CCDC134: variants seen among roughly 807,000 people sequenced by gnomAD.
The protein encoded by CCDC134 is coiled-coil domain containing 134.
In CCDC134, 27 loss-of-function variants were observed where a neutral mutation model predicts 25.6. The ratio of observed to expected loss-of-function variants is 1.05; its 90% confidence interval spans 0.78 to 1.45. The LOEUF (loss-of-function observed/expected upper bound fraction) is 1.45. CCDC134 is among the 40% of genes most tolerant of loss of function. The probability of loss-of-function intolerance (pLI) is 0.00; values close to 1 mark genes in which losing one functional copy is unlikely to be tolerated. For synonymous variants in CCDC134, 110 were observed against 115.0 expected (o/e 0.96, Z 0.28); for missense variants, 261 against 286.7 (o/e 0.91, Z 0.65).
intron 6 of CCDC134, among the ~76,000 whole-genome samples, chr22:41,817,245 G>A (rs764159103): frequency 1.3e-5 from 2 of 152,150 alleles, no homozygotes; most frequent in Non-Finnish European, 2.9e-5. Flanking sequence ...TAGTGGGTAT[G>A]TTACCATGCC....
chr22:41,814,674 T>C (rs990375790), intron 6 of CCDC134, among the ~76,000 whole-genome samples: 4 of 151,950 alleles, frequency 2.6e-5, no homozygotes, highest in African/African-American at 4.8e-5. Context: ...GGACTGGACT[T>C]GTCAAACCCT....
At position 41,812,422 on chromosome 22, in the gene CCDC134, C is replaced by CAA. The variant is rs36098937; in HGVS notation, c.311-821_311-820dup. Among the ~76,000 whole-genome samples, 481 of 76,862 alleles carry CAA rather than the reference C, an allele frequency of 6.3e-3. 6 individuals carry two copies. Among genetic ancestry groups the CAA allele is most frequent in the African/African-American group, 0.02 (430 of 21,078 alleles). The allele number at this position is 76,862 out of a possible 152,430, so 50.4% of individuals were successfully genotyped here. On this transcript the variant is annotated intron_variant, in intron 4 of 6. Transcript: ENST00000255784. ...GGACAAGAAAGCGAGACTCCGTCTC[C>CAA]AAAAAAAAAAAAAAAAAAAAAAGGA...
chr22:41,805,619 A>G (rs1043260136), intron 1 of CCDC134, among the ~76,000 whole-genome samples: 1 of 152,130 alleles, frequency 6.6e-6, no homozygotes, highest in East Asian at 1.9e-4. Context: ...AGAACCAATA[A>G]TATTCCAAAT....
At chr22:41,819,032 A>G (rs2076636107) in intron 6 of CCDC134, among the ~76,000 whole-genome samples, 1 of 152,146 alleles carries the variant, frequency 6.6e-6, no homozygotes, top group African/African-American at 2.4e-5. Flanking sequence ...GGACATAACC[A>G]CAGCAGCAAC....
intron 1 of CCDC134, among the ~76,000 whole-genome samples, chr22:41,805,652 T>C (rs1022804907): frequency 2.0e-5 from 3 of 152,024 alleles, no homozygotes; most frequent in Non-Finnish European, 2.9e-5. Context: ...CACATTACTC[T>C]GGCAGGGTGG....
chr22:41,831,206 C>T lies in CCDC134; in HGVS notation c.*5383C>T, dbSNP rs1426886539. On this transcript the variant is annotated 3_prime_UTR_variant, in exon 7 of 7. Coordinates refer to ENST00000255784, the MANE Select transcript of CCDC134 (RefSeq NM_024821.5). ...CGGACTCTCTTTGTATTTTTTCTTT[C>T]TTTTTTTTGAGACAGAGTCTTGCTC... is the stretch of plus-strand genomic sequence containing the variant. 1 of 151,026 alleles carries T rather than the reference C, an allele frequency of 6.6e-6. No individual in the cohort carries two copies. The highest frequency in any genetic ancestry group is 6.6e-5 in the Admixed American group (1 of 15,170). The allele number at this position is 151,026 out of a possible 1,614,324, so 9.4% of individuals were successfully genotyped here.
intron 6 of CCDC134, among the ~76,000 whole-genome samples, chr22:41,819,963 T>TA (rs57794600): frequency 3.5e-4 from 29 of 82,602 alleles, no homozygotes; most frequent in African/African-American, 1.5e-3. Flanking sequence ...ACTTACCACT[T>TA]TATATATATA....
At chr22:41,807,076 G>T (rs537005299) in intron 1 of CCDC134, among the ~76,000 whole-genome samples, 1 of 152,036 alleles carries the variant, frequency 6.6e-6, no homozygotes, top group Non-Finnish European at 1.5e-5. Context: ...AAAAACTAGT[G>T]CCTTCAACTG....
At chr22:41,817,731 T>TAAATAAAC (rs769337402) in intron 6 of CCDC134, among the ~76,000 whole-genome samples, 3 of 21,978 alleles carry the variant, frequency 1.4e-4, no homozygotes, top group African/African-American at 1.0e-3. Context: ...GACTCTGTCT[T>TAAATAAAC]AAATAAATAA....
intron 6 of CCDC134, among the ~76,000 whole-genome samples, chr22:41,822,041 G>A (rs888633608): frequency 3.3e-5 from 5 of 152,156 alleles, no homozygotes; most frequent in Admixed American, 6.5e-5. Flanking sequence ...GGGCCTGCTC[G>A]TGGTTATTGT....
rs77889640 is a variant in CCDC134, at chr22:41,828,709, G to C, written c.*2886G>C. Reference sequence around the variant, plus strand: ...AGGCCCTAGGGCACATGTTTGTCCAGCTGCCTCTTGCAGCTGGGATTGTTA... The same window carrying C: ...AGGCCCTAGGGCACATGTTTGTCCACCTGCCTCTTGCAGCTGGGATTGTTA... On this transcript the variant is annotated 3_prime_UTR_variant, in exon 7 of 7. Transcript: ENST00000255784. Among the ~76,000 whole-genome samples, 18,174 of 152,188 alleles carry C rather than the reference G, an allele frequency of 0.12. 1,602 individuals carry two copies. Among genetic ancestry groups the C allele is most frequent in the Admixed American group, 0.31 (4,727 of 15,250 alleles).
chr22:41,801,323 T>A (rs1243361406), intron 1 of CCDC134, among the ~76,000 whole-genome samples: 3 of 152,058 alleles, frequency 2.0e-5, no homozygotes, highest in Non-Finnish European at 4.4e-5. Context: ...TAGGGGGTTC[T>A]CCGGATGATC....
Position 41,832,159 on chromosome 22 carries a change from G to C in CCDC134, c.*6336G>C, listed in dbSNP as rs1326935765. On this transcript the variant is annotated 3_prime_UTR_variant, in exon 7 of 7. Transcript: ENST00000255784. ...CTTGCTAATAAATATACATTTGTGT[G>C]CGTAATTTTTAATGATCCCATGGTA... The C allele has an allele frequency of 6.6e-6, 1 of 152,206 alleles. No homozygotes were observed. Among genetic ancestry groups the C allele is most frequent in the Non-Finnish European group, 1.5e-5 (1 of 68,044 alleles). The allele number at this position is 152,206 out of a possible 1,614,324, so 9.4% of individuals were successfully genotyped here. A position where few individuals can be genotyped will look rare whatever the true frequency, so the allele number is the denominator to read the frequency against.
rs374297239 is a variant in CCDC134, at chr22:41,825,860, G to A, written c.*37G>A. The A allele has an allele frequency of 1.9e-6, 3 of 1,610,358 alleles. No homozygotes were observed. In the African/African-American group the frequency reaches 4.0e-5, roughly 22 times the overall value. ...CTCAGGGCTCAGGGGGCCACAAGGA[G>A]GCAGGTCGGGAGGAAGAAGAGGTGG... On this transcript the variant is annotated 3_prime_UTR_variant, in exon 7 of 7. Transcript: ENST00000255784. The surrounding 1 kb of genome is among the most constrained non-coding windows in gnomAD (Gnocchi z 4.4).
At chr22:41,822,446 G>T (rs539967034) in intron 6 of CCDC134, among the ~76,000 whole-genome samples, 3 of 152,314 alleles carry the variant, frequency 2.0e-5, no homozygotes, top group African/African-American at 7.2e-5. Flanking sequence ...CCACAGTGCT[G>T]TGTTGGCCAT....
At chr22:41,822,823 G>T (rs1393345071) in intron 6 of CCDC134, among the ~76,000 whole-genome samples, 2 of 152,214 alleles carry the variant, frequency 1.3e-5, no homozygotes, top group African/African-American at 4.8e-5. Context: ...AGCCTGCAAG[G>T]CTAGTCCTAG....
At chr22:41,801,315 G>C (rs1476790290) in intron 1 of CCDC134, among the ~76,000 whole-genome samples, 3 of 152,020 alleles carry the variant, frequency 2.0e-5, no homozygotes, top group African/African-American at 7.2e-5. Flanking sequence ...CTTGGGGGTA[G>C]GGGGTTCTCC....
chr22:41,816,961 A>G (rs1378515473), intron 6 of CCDC134, among the ~76,000 whole-genome samples: 5 of 152,168 alleles, frequency 3.3e-5, no homozygotes, highest in Non-Finnish European at 7.3e-5. Context: ...GCCAGCATCT[A>G]TAGTTTCACT....
chr22:41,807,746 G>A (rs2076575597), intron 1 of CCDC134, among the ~76,000 whole-genome samples: 1 of 152,156 alleles, frequency 6.6e-6, no homozygotes, highest in Non-Finnish European at 1.5e-5. Context: ...TGTTGGCTGG[G>A]CATAGTGGCT....
Sources: allele counts gnomAD v4.1 joint callset (sites outside exome capture counted in the v4.1 genomes callset), GRCh38; gene constraint gnomAD v4.1.1; non-coding constraint Gnocchi (gnomAD v3.1); transcripts MANE v1.5; gene names NCBI Gene and HGNC (gene_info 2026-07-23, HGNC 2026-07-21).